GRIK2: variants seen among roughly 807,000 people sequenced by gnomAD.
The protein encoded by GRIK2 is glutamate ionotropic receptor kainate type subunit 2, also known as glutamate receptor ionotropic, kainate 2.
GRIK2 carries 32 observed loss-of-function variants against 100.3 expected under a neutral mutation model. The observed-to-expected ratio is 0.32, with a 90% confidence interval of 0.24 to 0.43. The LOEUF (loss-of-function observed/expected upper bound fraction) is 0.43. Among genes scored for constraint, GRIK2 ranks in the 20% least tolerant of loss-of-function variants. The probability of loss-of-function intolerance (pLI) is 1.00; values close to 1 mark genes in which losing one functional copy is unlikely to be tolerated. For missense variants in GRIK2, 843 were observed against 1,114.9 expected, an observed-to-expected ratio of 0.76 and a Z score of 3.47; for synonymous variants, 417 against 389.4, an observed-to-expected ratio of 1.07 and a Z score of -0.83.
intron 13 of GRIK2, among the ~76,000 whole-genome samples, chr6:101,925,123 C>A (rs1014884017): frequency 1.3e-5 from 2 of 151,976 alleles, no homozygotes; most frequent in Admixed American, 6.6e-5. Context: ...CATATTAATT[C>A]TTGGTGATTA....
chr6:101,679,383 C>T (rs1771078397), intron 5 of GRIK2, among the ~76,000 whole-genome samples: 1 of 152,096 alleles, frequency 6.6e-6, no homozygotes. Flanking sequence ...ACTACACCAG[C>T]TTAATGTTGG....
chr6:101,559,051 C>T (rs1776873943), intron 2 of GRIK2, among the ~76,000 whole-genome samples: 1 of 152,046 alleles, frequency 6.6e-6, no homozygotes, highest in South Asian at 2.1e-4. Flanking sequence ...CTAGATGACC[C>T]CTAACATCCA....
chr6:102,023,535 G>A (rs931064705), intron 14 of GRIK2, among the ~76,000 whole-genome samples: 1 of 151,374 alleles, frequency 6.6e-6, no homozygotes, highest in Admixed American at 6.6e-5. Context: ...TCCATAAATG[G>A]TTTTATTTTT....
At chr6:101,929,261 C>G (rs760267861) in intron 14 of GRIK2, among the ~76,000 whole-genome samples, 4 of 152,132 alleles carry the variant, frequency 2.6e-5, no homozygotes, top group Non-Finnish European at 5.9e-5. Flanking sequence ...TCTATTTTTT[C>G]TCTCTTCTCC....
At chr6:101,999,048 A>C (rs949031159) in intron 14 of GRIK2, among the ~76,000 whole-genome samples, 1 of 151,846 alleles carries the variant, frequency 6.6e-6, no homozygotes, top group Non-Finnish European at 1.5e-5. Context: ...TCCTGACCTC[A>C]GGTGATCCGC....
intron 10 of GRIK2, among the ~76,000 whole-genome samples, chr6:101,836,088 A>T (rs2246394): frequency 6.6e-6 from 1 of 150,736 alleles, no homozygotes; most frequent in African/African-American, 2.4e-5. Context: ...GGGAGGCATT[A>T]CTCCATTGCC....
At chr6:101,397,194 A>AT (rs765965569) in intron 1 of GRIK2, among the ~76,000 whole-genome samples, 1 of 152,252 alleles carries the variant, frequency 6.6e-6, no homozygotes, top group East Asian at 1.9e-4. Flanking sequence ...AAAACATGCT[A>AT]TTTTCAGGTA....
rs532262518 is a variant in GRIK2 at position 101,831,771 on chromosome 6, T to C, written c.1317+13288T>C. Among the ~76,000 whole-genome samples, 55 of 152,276 alleles carry C rather than the reference T, an allele frequency of 3.6e-4. 2 individuals carry two copies. The South Asian group carries it at 0.011, about 32-fold the overall frequency. On this transcript the variant is annotated intron_variant, in intron 10 of 16. Transcript: ENST00000369134. ...GTAGCATTTACGGGAGTATGAGTTA[T>C]TGATATGCAATGAAAATACTAGTAG...
At chr6:101,536,026 T>A (rs1775674012) in intron 2 of GRIK2, among the ~76,000 whole-genome samples, 1 of 151,776 alleles carries the variant, frequency 6.6e-6, no homozygotes, top group African/African-American at 2.4e-5. Flanking sequence ...ATAGGAAATC[T>A]TGAGGGACAA....
chr6:101,707,596 A>G (rs1467555717), intron 7 of GRIK2, among the ~76,000 whole-genome samples: 5 of 134,722 alleles, frequency 3.7e-5, no homozygotes, highest in South Asian at 2.4e-4. Context: ...GTGTGTGTGT[A>G]TATATGTGTG....
At chr6:101,561,472 T>A (rs867057052) in intron 2 of GRIK2, among the ~76,000 whole-genome samples, 2 of 152,052 alleles carry the variant, frequency 1.3e-5, no homozygotes, top group Non-Finnish European at 1.5e-5. Flanking sequence ...GATTGTATAG[T>A]AGGGAAGTTA....
In GRIK2 at chr6:102,065,681, G is replaced by C. The variant is rs1582814326; in HGVS notation, c.2563-2666G>C. 10 of 569,708 alleles carry C rather than the reference G, an allele frequency of 1.8e-5. 1 individual carries two copies. The South Asian group carries it at 2.4e-4, about 14-fold the overall frequency. 35.3% of individuals were successfully genotyped at this position (569,708 alleles called of 1,614,324 possible). A position where few individuals can be genotyped will look rare whatever the true frequency, so the allele number is the denominator to read the frequency against. On this transcript the variant is annotated intron_variant, in intron 16 of 16. Coordinates refer to ENST00000369134, the MANE Select transcript of GRIK2 (RefSeq NM_021956.5). Reference sequence around the variant, plus strand: ...GGGAAATTTATTGGTTTTAAATGAAGGTTTATTTCAAACGATTCAATGTTA... The same window carrying C: ...GGGAAATTTATTGGTTTTAAATGAACGTTTATTTCAAACGATTCAATGTTA...
intron 2 of GRIK2, among the ~76,000 whole-genome samples, chr6:101,621,491 A>T (rs911719698): frequency 1.3e-5 from 2 of 152,084 alleles, no homozygotes; most frequent in African/African-American, 4.8e-5. Flanking sequence ...TGATTTCTGA[A>T]TGGAGACGGA....
intron 10 of GRIK2, among the ~76,000 whole-genome samples, chr6:101,852,707 C>T (rs1784208181): frequency 6.6e-6 from 1 of 152,074 alleles, no homozygotes; most frequent in Non-Finnish European, 1.5e-5. Context: ...TGCAGGAGCA[C>T]CAGAAAAAGA....
In GRIK2 at chr6:101,579,462, G is replaced by A. The variant is rs184727641; in HGVS notation, c.116-42487G>A. Reference sequence around the variant, plus strand: ...TTTCTTTTTTTTCTTTCTTTCTTTCGCTTTCTCTCTTTTTTCTTTTTCTTT... The same window carrying A: ...TTTCTTTTTTTTCTTTCTTTCTTTCACTTTCTCTCTTTTTTCTTTTTCTTT... On this transcript the variant is annotated intron_variant, in intron 2 of 16. Coordinates refer to ENST00000369134, the MANE Select transcript of GRIK2 (RefSeq NM_021956.5). Among the ~76,000 whole-genome samples, 15 of 141,554 alleles carry A rather than the reference G, an allele frequency of 1.1e-4. No individual in the cohort carries two copies. The East Asian group carries it at 2.3e-3, about 21-fold the overall frequency. 92.9% of individuals were successfully genotyped at this position (141,554 alleles called of 152,430 possible).
chr6:101,694,956 A>C (rs918414822), intron 7 of GRIK2, among the ~76,000 whole-genome samples: 1 of 150,026 alleles, frequency 6.7e-6, no homozygotes, highest in African/African-American at 2.4e-5. Flanking sequence ...TTACATTTAT[A>C]TATGATTTTA....
intron 7 of GRIK2, among the ~76,000 whole-genome samples, chr6:101,784,164 T>G (rs1406528118): frequency 2.6e-5 from 4 of 152,214 alleles, no homozygotes; most frequent in Non-Finnish European, 2.9e-5. Context: ...AGCAGCTCCT[T>G]CCATCACAGG....
chr6:101,796,877 A>G (rs1487224976), intron 7 of GRIK2, among the ~76,000 whole-genome samples: 1 of 152,096 alleles, frequency 6.6e-6, no homozygotes, highest in African/African-American at 2.4e-5. Flanking sequence ...ATATTATCTA[A>G]TTTTTATAAT....
At chr6:101,497,080 T>C (rs1472764195) in intron 2 of GRIK2, among the ~76,000 whole-genome samples, 2 of 152,206 alleles carry the variant, frequency 1.3e-5, no homozygotes, top group African/African-American at 4.8e-5. Context: ...CCAAGCATGC[T>C]AAATTCCTTT....
Sources: allele counts gnomAD v4.1 joint callset (sites outside exome capture counted in the v4.1 genomes callset), GRCh38; gene constraint gnomAD v4.1.1; transcripts MANE v1.5; gene names NCBI Gene and HGNC (gene_info 2026-07-23, HGNC 2026-07-21).